STK31: variants seen among roughly 807,000 people sequenced by gnomAD.
The protein encoded by STK31 is serine/threonine kinase 31, also known as serine/threonine-protein kinase 31.
A neutral mutation model predicts 129.7 loss-of-function variants in STK31; 89 were observed. The ratio of observed to expected loss-of-function variants is 0.69; its 90% CI spans 0.58 to 0.82. The LOEUF is 0.82. Among genes scored for constraint, STK31 ranks in the 40% least tolerant of loss-of-function variants. The probability of loss-of-function intolerance (pLI) is 0.00; values close to 1 mark genes in which losing one functional copy is unlikely to be tolerated. For missense variants in STK31, 1,187 were observed against 1,176.4 expected, an observed-to-expected ratio of 1.01 and a Z score of -0.13; for synonymous variants, 448 against 395.3, an observed-to-expected ratio of 1.13 and a Z score of -1.58.
chr7:23,810,617 T>TAA (rs1554297445), intron 22 of STK31, among the ~76,000 whole-genome samples: 5 of 131,292 alleles, frequency 3.8e-5, no homozygotes, highest in African/African-American at 8.6e-5. Flanking sequence ...TATATATATA[T>TAA]AATATATATA....
intron 8 of STK31, among the ~76,000 whole-genome samples, chr7:23,750,364 G>T (rs1788640760): frequency 6.6e-6 from 1 of 152,076 alleles, no homozygotes; most frequent in South Asian, 2.1e-4. Flanking sequence ...AGGAGTAGCA[G>T]TTTTCCCAGT....
At chr7:23,820,642 G>T (rs1017135431) in intron 23 of STK31, among the ~76,000 whole-genome samples, 1 of 152,014 alleles carries the variant, frequency 6.6e-6, no homozygotes, top group African/African-American at 2.4e-5. Flanking sequence ...CTGGTTGTTT[G>T]TACCCATTAA....
intron 22 of STK31, 110 bp downstream of exon 22, chr7:23,791,056 G>C: frequency 9.2e-7 from 1 of 1,082,414 alleles, no homozygotes; most frequent in Non-Finnish European, 1.2e-6. Flanking sequence ...ACTTTTAGTA[G>C]AACTTTAAGT....
chr7:23,788,406 G>T (rs1026263852), intron 21 of STK31, among the ~76,000 whole-genome samples: 1 of 152,112 alleles, frequency 6.6e-6, no homozygotes, highest in Non-Finnish European at 1.5e-5. Flanking sequence ...ACATTTAATT[G>T]CTAGGAAACA....
intron 14 of STK31, 55 bp from the exon 15 acceptor site, chr7:23,772,092 G>C: frequency 7.6e-7 from 1 of 1,314,792 alleles, no homozygotes; most frequent in Non-Finnish European, 1.0e-6. Flanking sequence ...AATGATCACT[G>C]TTCAATAAAT....
intron 7 of STK31, 29 bp downstream of exon 7, chr7:23,735,925 A>G (rs780947726): frequency 4.0e-6 from 6 of 1,514,048 alleles, no homozygotes; most frequent in African/African-American, 1.4e-5. Context: ...CTAATTTCTA[A>G]TTGATGGTAG....
intron 15 of STK31, among the ~76,000 whole-genome samples, chr7:23,775,051 T>G (rs1160949533): frequency 6.6e-6 from 1 of 152,308 alleles, no homozygotes; most frequent in Admixed American, 6.5e-5. Context: ...CCCCATTGCT[T>G]TCCCAGTTTT....
At chr7:23,781,347 A>G in intron 15 of STK31, 72 bp from the exon 16 acceptor site, 1 of 1,115,084 alleles carries the variant, frequency 9.0e-7, no homozygotes, top group Admixed American at 2.2e-5. Flanking sequence ...AATTTACTAT[A>G]GAACTTGAAT....
At chr7:23,737,891 G>A (rs1052777783) in intron 8 of STK31, among the ~76,000 whole-genome samples, 45 of 140,658 alleles carry the variant, frequency 3.2e-4, no homozygotes, top group African/African-American at 1.1e-3. Flanking sequence ...GTGTGTGTGT[G>A]TGTATGTGTG....
intron 1 of STK31, 55 bp downstream of exon 1, chr7:23,710,390 C>A (rs970869150): frequency 6.2e-7 from 1 of 1,612,314 alleles, no homozygotes; most frequent in Admixed American, 1.7e-5. Flanking sequence ...GGACTATTTT[C>A]GTCGCTGCTT....
intron 23 of STK31, among the ~76,000 whole-genome samples, chr7:23,824,800 A>T (rs1046586232): frequency 1.4e-3 from 206 of 151,506 alleles, no homozygotes; most frequent in African/African-American, 4.8e-3. Context: ...GAGAGTCTTT[A>T]GCATGAAGCG....
chr7:23,732,942 A>G (rs1277465124), intron 6 of STK31, among the ~76,000 whole-genome samples: 1 of 152,140 alleles, frequency 6.6e-6, no homozygotes, highest in Non-Finnish European at 1.5e-5. Flanking sequence ...AAATCCTAAC[A>G]TATATTTCAG....
chr7:23,738,101 A>AC (rs893658126), intron 8 of STK31, among the ~76,000 whole-genome samples: 1 of 151,474 alleles, frequency 6.6e-6, no homozygotes, highest in Non-Finnish European at 1.5e-5. Context: ...TTGCATATCT[A>AC]CCCCCCCACT....
At position 23,786,647 on chromosome 7, in the gene STK31, G is replaced by T. The variant is rs1791299341; in HGVS notation, c.2400+14G>T. Reference sequence around the variant, plus strand: ...TTTTTATGTAAGGTAAAGTTCTTATGCTAATCTCTTGCAGAAACCATTTTA... The same window carrying T: ...TTTTTATGTAAGGTAAAGTTCTTATTCTAATCTCTTGCAGAAACCATTTTA... On this transcript the variant is annotated intron_variant, in intron 19 of 23. Transcript: ENST00000355870. 2 of 1,604,990 alleles carry T rather than the reference G, an allele frequency of 1.2e-6. No individual in the cohort carries two copies. Among genetic ancestry groups the T allele is most frequent in the Non-Finnish European group, 1.7e-6 (2 of 1,177,820 alleles).
chr7:23,717,616 C>G (rs1243764570), intron 4 of STK31, 37 bp downstream of exon 4: 1 of 1,468,570 alleles, frequency 6.8e-7, no homozygotes, highest in African/African-American at 1.4e-5. Context: ...TTTCATTCCT[C>G]CTGTCAGCTT....
intron 6 of STK31, among the ~76,000 whole-genome samples, chr7:23,730,250 G>A (rs1403611864): frequency 1.3e-5 from 2 of 152,216 alleles, no homozygotes; most frequent in African/African-American, 4.8e-5. Context: ...AGTAGCTCAT[G>A]TGGAAAACAG....
chr7:23,812,522 T>C (rs776070842), intron 22 of STK31, among the ~76,000 whole-genome samples: 6 of 151,942 alleles, frequency 3.9e-5, no homozygotes, highest in Admixed American at 6.6e-5. Context: ...AACTTTTTTT[T>C]ATTAAATTTC....
At chr7:23,783,791 G>T in intron 17 of STK31, 128 bp downstream of exon 17, 4 of 682,728 alleles carry the variant, frequency 5.9e-6, no homozygotes, top group Non-Finnish European at 9.4e-6. Flanking sequence ...ATATTTTATG[G>T]GTATTAGAAC....
intron 22 of STK31, among the ~76,000 whole-genome samples, chr7:23,792,432 A>C (rs1791676430): frequency 6.6e-6 from 1 of 152,216 alleles, no homozygotes; most frequent in Non-Finnish European, 1.5e-5. Flanking sequence ...GCACACTATT[A>C]AAACTACAAA....
Sources: allele counts gnomAD v4.1 joint callset (sites outside exome capture counted in the v4.1 genomes callset), GRCh38; gene constraint gnomAD v4.1.1; transcripts MANE v1.5; gene names NCBI Gene and HGNC (gene_info 2026-07-23, HGNC 2026-07-21).